Variants in CA10 observed in about 807,000 individuals in gnomAD.
CA10 encodes carbonic anhydrase-related protein 10.
Under a neutral mutation model 44.2 loss-of-function variants are expected in CA10, and 14 were observed. The observed-to-expected ratio is 0.32, with a 90% CI of 0.21 to 0.50. The LOEUF (loss-of-function observed/expected upper bound fraction) is 0.50. CA10 is among the 20% of genes least tolerant of loss of function. The pLI, the probability that CA10 is intolerant of heterozygous loss-of-function variation, is 0.99. For synonymous variants in CA10, 159 were observed against 141.6 expected (o/e 1.12, Z -0.87); for missense variants, 350 against 409.7 (o/e 0.85, Z 1.26).
At chr17:52,082,731 A>G (rs1037191292) in intron 1 of CA10, among the ~76,000 whole-genome samples, 1 of 152,240 alleles carries the variant, frequency 6.6e-6, no homozygotes, top group Non-Finnish European at 1.5e-5. Context: ...CAGGATAACT[A>G]CATAATAAAA....
chr17:51,691,585 A>ATTTGTCTATT (rs148294623), intron 4 of CA10, among the ~76,000 whole-genome samples: 12,424 of 152,086 alleles, frequency 0.082, 1,694 homozygotes, highest in African/African-American at 0.28. Context: ...ATGTAGTCCC[A>ATTTGTCTATT]TTTGCTTTTG....
At chr17:52,091,273 AT>A (rs1334636038) in intron 1 of CA10, among the ~76,000 whole-genome samples, 1 of 152,108 alleles carries the variant, frequency 6.6e-6, no homozygotes, top group African/African-American at 2.4e-5. Flanking sequence ...TGTAATGTGT[AT>A]TTTTTATGAT....
chr17:51,771,456 A>G (rs1905609056), intron 3 of CA10, among the ~76,000 whole-genome samples: 1 of 152,146 alleles, frequency 6.6e-6, no homozygotes, highest in South Asian at 2.1e-4. Context: ...TCTCCCTATT[A>G]TATCACCTCC....
intron 3 of CA10, among the ~76,000 whole-genome samples, chr17:51,916,580 C>CT (rs1016601297): frequency 6.6e-6 from 1 of 152,116 alleles, no homozygotes. Context: ...TGAGACATGC[C>CT]TTTGACCTTC....
intron 1 of CA10, among the ~76,000 whole-genome samples, chr17:52,150,734 A>G (rs148963722): frequency 1.9e-4 from 29 of 152,292 alleles, no homozygotes; most frequent in African/African-American, 6.3e-4. Flanking sequence ...TAGTGTATCT[A>G]TTGCTTAACC....
At chr17:51,937,226 T>A (rs1049712693) in intron 2 of CA10, among the ~76,000 whole-genome samples, 2 of 152,190 alleles carry the variant, frequency 1.3e-5, no homozygotes, top group Non-Finnish European at 2.9e-5. Flanking sequence ...ATAAAGCATA[T>A]GAATACATTT....
chr17:51,978,349 T>G (rs555565408), intron 2 of CA10, among the ~76,000 whole-genome samples: 12 of 151,802 alleles, frequency 7.9e-5, no homozygotes, highest in African/African-American at 2.9e-4. Context: ...AATAGATCCA[T>G]GCTTACATAC....
intron 2 of CA10, among the ~76,000 whole-genome samples, chr17:51,932,897 A>T (rs1030156246): frequency 3.4e-5 from 1 of 29,570 alleles, no homozygotes; most frequent in African/African-American, 1.2e-4. Flanking sequence ...TGTCTTTTCT[A>T]AACTACTTTT....
chr17:51,863,608 C>G (rs950607966), intron 3 of CA10, among the ~76,000 whole-genome samples: 1 of 152,188 alleles, frequency 6.6e-6, no homozygotes, highest in African/African-American at 2.4e-5. Flanking sequence ...GTTTGGAGGT[C>G]TCTTGGGCCA....
intron 3 of CA10, among the ~76,000 whole-genome samples, chr17:51,868,685 C>G (rs370206973): frequency 3.3e-5 from 5 of 152,068 alleles, no homozygotes; most frequent in East Asian, 3.8e-4. Context: ...AGACTAACCA[C>G]CTGGTATTCT....
intron 1 of CA10, among the ~76,000 whole-genome samples, chr17:52,137,557 T>C (rs1282544250): frequency 6.6e-6 from 1 of 152,192 alleles, no homozygotes; most frequent in Non-Finnish European, 1.5e-5. Flanking sequence ...AAGCCTGGTA[T>C]CTATGAACTT....
At chr17:52,000,763 C>A (rs1312855005) in intron 2 of CA10, among the ~76,000 whole-genome samples, 1 of 151,892 alleles carries the variant, frequency 6.6e-6, no homozygotes, top group Non-Finnish European at 1.5e-5. Context: ...CACAAATAAA[C>A]CTATGAGGGT....
intron 2 of CA10, among the ~76,000 whole-genome samples, chr17:51,939,632 CTGAT>C (rs1983000444): frequency 6.6e-6 from 1 of 152,016 alleles, no homozygotes; most frequent in African/African-American, 2.4e-5. Context: ...TGGTATCTCA[CTGAT>C]TGAATTTGCA....
chr17:51,647,415 C>G (rs998808928), intron 6 of CA10, among the ~76,000 whole-genome samples: 7 of 152,096 alleles, frequency 4.6e-5, no homozygotes, highest in Non-Finnish European at 1.0e-4. Flanking sequence ...CTTTTCCTTC[C>G]CTCCCTCCCT....
At position 51,683,509 on chromosome 17, in the gene CA10, T is replaced by C. The variant is rs183109825; in HGVS notation, c.466-29773A>G. On this transcript the variant is annotated intron_variant, in intron 4 of 8. Transcript: ENST00000451037. ...ACGTTTTGCAAATGGTAAAGCCGCC[T>C]GTGAGGTCTTAATATTATCCATTCC... is the stretch of plus-strand genomic sequence containing the variant. 5.9e-5 allele frequency among the ~76,000 whole-genome samples: 9 copies of C among 152,338 alleles called. No individual in the cohort carries two copies. In the East Asian group the frequency reaches 1.2e-3, roughly 20 times the overall value.
intron 6 of CA10, among the ~76,000 whole-genome samples, chr17:51,643,650 G>A (rs1007206583): frequency 3.3e-5 from 5 of 151,988 alleles, no homozygotes; most frequent in African/African-American, 1.2e-4. Flanking sequence ...GCACAGGAGC[G>A]GTATTTCATT....
At chr17:52,027,377 T>C (rs1409302792) in intron 2 of CA10, among the ~76,000 whole-genome samples, 1 of 152,018 alleles carries the variant, frequency 6.6e-6, no homozygotes, top group South Asian at 2.1e-4. Context: ...GGTGGGGGTG[T>C]TGGAGACCCC....
intron 3 of CA10, among the ~76,000 whole-genome samples, chr17:51,768,528 A>G (rs1905474815): frequency 6.6e-6 from 1 of 152,224 alleles, no homozygotes; most frequent in South Asian, 2.1e-4. Flanking sequence ...CAATAAGGCA[A>G]GCCAGCAAGA....
intron 1 of CA10, among the ~76,000 whole-genome samples, chr17:52,102,902 T>G (rs1318651229): frequency 1.3e-5 from 2 of 152,200 alleles, no homozygotes; most frequent in African/African-American, 2.4e-5. Context: ...ACATATATTC[T>G]TATGTACCCT....
Sources: gnomAD v4.1 joint callset for allele counts (sites outside exome capture counted in the v4.1 genomes callset) on GRCh38, gnomAD v4.1.1 for gene constraint, MANE v1.5 for transcripts, NCBI Gene and HGNC (gene_info 2026-07-23, HGNC 2026-07-21) for gene names.